CROCC: variants seen among roughly 807,000 people sequenced by gnomAD.
CROCC encodes ciliary rootlet coiled-coil, rootletin.
Under a neutral mutation model 245.2 loss-of-function variants are expected in CROCC, and 180 were observed. The observed-to-expected ratio is 0.73, with a 90% CI of 0.65 to 0.83. CROCC has a LOEUF of 0.83. Ranked by LOEUF, CROCC falls within the 40% of genes least tolerant of loss-of-function variation. The probability of loss-of-function intolerance (pLI) is 0.00; values close to 1 mark genes in which losing one functional copy is unlikely to be tolerated. For missense variants in CROCC, 2,688 were observed against 2,779.4 expected (o/e 0.97, Z 0.74); for synonymous variants, 1,205 against 1,241.6 (o/e 0.97, Z 0.62).
At chr1:16,918,101 C>T (rs1344116461), upstream of CROCC, among the ~76,000 whole-genome samples, 1,058 of 138,362 alleles carry the variant, frequency 7.6e-3, no homozygotes, top group African/African-American at 0.027. Context: ...TAGCTTAGCA[C>T]GGAGTATTTT....
At chr1:16,969,466 G>T in intron 32 of CROCC, 126 bp downstream of exon 32, 1 of 989,108 alleles carries the variant, frequency 1.0e-6, no homozygotes, top group Non-Finnish European at 1.5e-6. Context: ...ATGAGAGCAG[G>T]CTTTGAAGGG....
rs189337269 is a variant in CROCC, at chr1:16,936,694, G to A, written c.1014G>A (p.Ala338=). 4.2e-3 allele frequency: 6,720 copies of A among 1,602,024 alleles called. No homozygotes were observed. The highest frequency in any genetic ancestry group is 3.1e-3 in the Non-Finnish European group (3,686 of 1,174,738). Residue 338 remains alanine (A), a synonymous_variant, in exon 9 of 37, where the codon GCG becomes GCA. Coordinates refer to ENST00000375541, the MANE Select transcript of CROCC (RefSeq NM_014675.5). ...LARTSRAVQE[A]GLGLSTGLRL... ...GGACATCACGAGCTGTCCAGGAGGCGGGCCTGGGACTGAGCACGGGCCTAC... is the reference window on the plus strand; with the variant it reads ...GGACATCACGAGCTGTCCAGGAGGCAGGCCTGGGACTGAGCACGGGCCTAC...
At chr1:16,944,816 T>C (rs1485008946) in intron 14 of CROCC, among the ~76,000 whole-genome samples, 7 of 152,268 alleles carry the variant, frequency 4.6e-5, no homozygotes, top group African/African-American at 1.7e-4. Flanking sequence ...ACTGCGCTGC[T>C]TACCTCTCAG....
chr1:16,953,438 A>T lies in CROCC; in HGVS notation c.3143A>T (p.Glu1048Val), dbSNP rs184557465. 1.2e-5 allele frequency: 20 copies of T among 1,610,282 alleles called. No individual in the cohort carries two copies. The Admixed American group carries it at 3.3e-4, about 27-fold the overall frequency. Residue 1048 changes from glutamate to valine, a missense_variant, in exon 21 of 37, where the codon GAG becomes GTG. By Grantham distance (121) the Glu-to-Val change is moderately radical. Around this residue, in one of 9 missense-constraint regions of CROCC, gnomAD observed 106 missense variants for 126.1 expected, o/e 0.84. Coordinates refer to ENST00000375541, the MANE Select transcript of CROCC (RefSeq NM_014675.5). ...GAGGAGATTGCTGCCCTGCAGCAGGAGCGCGACGAGGGCCTCCTCCTAGCA... is the reference window on the plus strand; with the variant it reads ...GAGGAGATTGCTGCCCTGCAGCAGGTGCGCGACGAGGGCCTCCTCCTAGCA... ...LSEEIAALQQ[E>V]RDEGLLLAES...
Position 16,954,357 on chromosome 1 carries a change from G to T in CROCC, c.3321G>T (p.Arg1107=), listed in dbSNP as rs1387308936. The change falls in exon 22 of 37, where the codon CGG becomes CGT. Residue 1107 remains arginine (R), a splice_region_variant and synonymous_variant. Transcript: ENST00000375541. This position sits in a 1 kb window ranked among gnomAD's most constrained non-coding sequence, Gnocchi z 4.4. The part of the protein sequence containing the change: ...RDAQSRQEQD[R]STVNALTSEL... ...CCCAGAGCCGGCAGGAGCAGGACCGGGTAGGGCAGGCTGGGCAGCTGGGCC... is the reference window on the plus strand; with the variant it reads ...CCCAGAGCCGGCAGGAGCAGGACCGTGTAGGGCAGGCTGGGCAGCTGGGCC... 1.2e-6 allele frequency: 2 copies of T among 1,609,908 alleles called. No individual in the cohort carries two copies. Among genetic ancestry groups the T allele is most frequent in the Non-Finnish European group, 1.7e-6 (2 of 1,178,714 alleles).
chr1:16,962,566 A>G, intron 27 of CROCC, among the ~76,000 whole-genome samples: 2 of 141,814 alleles, frequency 1.4e-5, no homozygotes, highest in African/African-American at 5.2e-5. Context: ...AAAAAACAGG[A>G]TTTCAGCATG....
At position 16,956,164 on chromosome 1, in the gene CROCC, C is replaced by A; in HGVS notation, c.3864+8C>A. 1 of 1,528,792 alleles carries A rather than the reference C, an allele frequency of 6.5e-7. No individual in the cohort carries two copies. The highest frequency in any genetic ancestry group is 1.2e-5 in the South Asian group (1 of 81,430). The allele number at this position is 1,528,792 out of a possible 1,614,324, so 94.7% of individuals were successfully genotyped here. A position where few individuals can be genotyped will look rare whatever the true frequency, so the allele number is the denominator to read the frequency against. On this transcript the variant is annotated splice_region_variant and intron_variant, in intron 25 of 36. Transcript: ENST00000375541. ...CAGGAGCTCCGGCGTCAGGTACTCT[C>A]CCTGTGCCACCCCTTAGCCTGGGGC...
At chr1:16,934,550 G>T (rs1448990289) in intron 8 of CROCC, among the ~76,000 whole-genome samples, 2 of 152,266 alleles carry the variant, frequency 1.3e-5, no homozygotes, top group Non-Finnish European at 2.9e-5. Flanking sequence ...CAGTGCACCT[G>T]CCTTGGCCTC....
intron 27 of CROCC, among the ~76,000 whole-genome samples, chr1:16,963,570 C>T (rs74598833): frequency 0.055 from 8,415 of 152,166 alleles, 304 homozygotes; most frequent in African/African-American, 0.087. Flanking sequence ...TTCATGGCTG[C>T]GGAGCAGTTT....
chr1:16,928,134 C>T (rs1232990861), intron 3 of CROCC, among the ~76,000 whole-genome samples: 11 of 152,280 alleles, frequency 7.2e-5, no homozygotes, highest in South Asian at 2.1e-4. Context: ...TGGCCCTGCA[C>T]GGGTGGGCTT....
intron 15 of CROCC, 52 bp from the exon 16 acceptor site, chr1:16,946,207 C>T (rs2076041422): frequency 6.3e-7 from 1 of 1,584,186 alleles, no homozygotes; most frequent in African/African-American, 1.3e-5. Flanking sequence ...GGCCTCCTCA[C>T]CTCCTCCCGA....
intron 2 of CROCC, among the ~76,000 whole-genome samples, chr1:16,923,724 A>G (rs2075464229): frequency 8.2e-6 from 1 of 122,292 alleles, no homozygotes; most frequent in Non-Finnish European, 1.6e-5. Flanking sequence ...TGTGTTGCCC[A>G]GGCTGGAGTG....
At position 16,948,846 on chromosome 1, in the gene CROCC, A is replaced by G; in HGVS notation, c.2756A>G (p.Gln919Arg). The change falls in exon 19 of 37, where the codon CAG (glutamine) becomes CGG (arginine). Residue 919 changes from glutamine to arginine, a missense_variant. Physicochemically the swap from Gln to Arg is conservative, Grantham distance 43. Around this residue, in one of 9 missense-constraint regions of CROCC, gnomAD observed 26 missense variants for 40.3 expected, o/e 0.64. Transcript: ENST00000375541. ...LEGSLFEVQR[Q>R]LAQLEARREQ... ...GGCAGCCTGTTTGAGGTGCAACGGCAGCTGGCCCAGCTTGAGGCCCGCCGG... is the reference window on the plus strand; with the variant it reads ...GGCAGCCTGTTTGAGGTGCAACGGCGGCTGGCCCAGCTTGAGGCCCGCCGG... 1 of 1,611,388 alleles carries G rather than the reference A, an allele frequency of 6.2e-7. No individual in the cohort carries two copies. The highest frequency in any genetic ancestry group is 2.2e-5 in the East Asian group (1 of 44,892).
In CROCC at chr1:16,948,376, C is replaced by G. The variant is rs756811015; in HGVS notation, c.2560C>G (p.Arg854Gly). Residue 854 changes from arginine to glycine, a missense_variant, in exon 18 of 37, where the codon CGG becomes GGG. This residue lies in a region of CROCC where 295 missense variants were observed against 241.7 expected (regional missense o/e 1.22). Transcript: ENST00000375541. Reference sequence around the variant, plus strand: ...GCGGGAGCAGGAGCTGGAGCAGGCCCGGCGGGAGGCCCAGCGGCAAGTGGA... The same window carrying G: ...GCGGGAGCAGGAGCTGGAGCAGGCCGGGCGGGAGGCCCAGCGGCAAGTGGA... ...SGREQELEQA[R>G]REAQRQVEAL... 2 of 1,577,978 alleles carry G rather than the reference C, an allele frequency of 1.3e-6. No individual in the cohort carries two copies. The highest frequency in any genetic ancestry group is 8.6e-7 in the Non-Finnish European group (1 of 1,165,144).
rs1243075674 is a variant in CROCC, at chr1:16,955,554, G to A, written c.3704+4G>A. Reference sequence around the variant, plus strand: ...AGGCAGAGAGCGAGCGCATCAGGTGGGGTGTCGCAGGAGGACCAGTCCTGA... The same window carrying A: ...AGGCAGAGAGCGAGCGCATCAGGTGAGGTGTCGCAGGAGGACCAGTCCTGA... On this transcript the variant is annotated splice_donor_region_variant and intron_variant, in intron 24 of 36. Coordinates refer to ENST00000375541, the MANE Select transcript of CROCC (RefSeq NM_014675.5). 9.2e-6 allele frequency: 14 copies of A among 1,521,632 alleles called. No individual in the cohort carries two copies. The highest frequency in any genetic ancestry group is 1.1e-5 in the Non-Finnish European group (13 of 1,139,384). 94.3% of individuals were successfully genotyped at this position (1,521,632 alleles called of 1,614,324 possible).
chr1:16,915,775 G>A (rs1283234437), intron 1 of CROCC, among the ~76,000 whole-genome samples: 2 of 152,246 alleles, frequency 1.3e-5, no homozygotes, highest in South Asian at 2.1e-4. Flanking sequence ...AAATCTGGCC[G>A]ACAAGCGGGA....
chr1:16,943,968 G>A lies in CROCC; in HGVS notation c.1809-132G>A, dbSNP rs929301216. 9 of 965,100 alleles carry A rather than the reference G, an allele frequency of 9.3e-6. No homozygotes were observed. The East Asian group carries it at 2.4e-4, about 26-fold the overall frequency. 59.8% of individuals were successfully genotyped at this position (965,100 alleles called of 1,614,324 possible). ...GAGTCAGCCATGGACAGGGTGGTCA[G>A]GGAAGGCTTCCTGGAGGCAGGTGCC... is the stretch of plus-strand genomic sequence containing the variant. On this transcript the variant is annotated intron_variant, in intron 13 of 36. Transcript: ENST00000375541.
intron 19 of CROCC, among the ~76,000 whole-genome samples, chr1:16,949,842 T>C (rs990742529): frequency 1.3e-5 from 2 of 152,176 alleles, no homozygotes; most frequent in African/African-American, 2.4e-5. Context: ...CTATCTCGGC[T>C]CACCTCAACC....
rs1450293877 is a variant in CROCC at position 16,961,150 on chromosome 1, C to A, written c.4405+20C>A. On this transcript the variant is annotated intron_variant, in intron 27 of 36. Coordinates refer to ENST00000375541, the MANE Select transcript of CROCC (RefSeq NM_014675.5). ...CAGAAGGTAAGGGCAGTGCCGCGCG[C>A]AGGGAAGGGGGGAGGTGGGCGGGCC... 1 of 1,298,916 alleles carries A rather than the reference C, an allele frequency of 7.7e-7. No homozygotes were observed. Among genetic ancestry groups the A allele is most frequent in the Non-Finnish European group, 9.8e-7 (1 of 1,024,592 alleles). The allele number at this position is 1,298,916 out of a possible 1,614,324, so 80.5% of individuals were successfully genotyped here.
Sources: gnomAD v4.1 joint callset for allele counts (sites outside exome capture counted in the v4.1 genomes callset) on GRCh38, gnomAD v4.1.1 for gene constraint, gnomAD v4.1.1 regional missense constraint, Gnocchi (gnomAD v3.1) non-coding constraint, MANE v1.5 for transcripts, NCBI Gene and HGNC (gene_info 2026-07-23, HGNC 2026-07-21) for gene names.